The following RNGTT variants were observed in gnomAD, a reference collection of about 807,000 sequenced individuals.
RNGTT encodes RNA guanylyltransferase and 5'-phosphatase.
A neutral mutation model predicts 79.3 loss-of-function variants in RNGTT; 33 were observed. That is an observed-to-expected ratio of 0.42 (90% confidence interval 0.32 to 0.56). RNGTT has a LOEUF of 0.56. Among genes scored for constraint, RNGTT ranks in the 20% least tolerant of loss-of-function variants. The pLI, the probability that RNGTT is intolerant of heterozygous loss-of-function variation, is 0.17. For missense variants in RNGTT, 497 were observed against 739.1 expected (o/e 0.67, Z 3.80); for synonymous variants, 222 against 235.9 (o/e 0.94, Z 0.54).
At chr6:88,679,267 G>T (rs1774998224) in intron 13 of RNGTT, among the ~76,000 whole-genome samples, 1 of 152,178 alleles carries the variant, frequency 6.6e-6, no homozygotes, top group Non-Finnish European at 1.5e-5. Context: ...AAAGGTATTT[G>T]CTATGAAGGG....
chr6:88,674,990 C>A (rs539226195), intron 14 of RNGTT, among the ~76,000 whole-genome samples: 1 of 151,584 alleles, frequency 6.6e-6, no homozygotes, highest in African/African-American at 2.4e-5. Flanking sequence ...CTCAGCTACT[C>A]GGGAGGCTGA....
chr6:88,908,810 G>A (rs965024463), intron 4 of RNGTT, among the ~76,000 whole-genome samples: 1 of 152,210 alleles, frequency 6.6e-6, no homozygotes, highest in Non-Finnish European at 1.5e-5. Context: ...TAGTGTATCT[G>A]ATCCACATGC....
chr6:88,892,703 T>G (rs1300836574), intron 6 of RNGTT, among the ~76,000 whole-genome samples: 1 of 152,090 alleles, frequency 6.6e-6, no homozygotes. Flanking sequence ...ATAAAGGGAC[T>G]GGCATCAGTC....
intron 13 of RNGTT, among the ~76,000 whole-genome samples, chr6:88,733,619 A>AT (rs1179335078): frequency 6.6e-6 from 1 of 151,946 alleles, no homozygotes; most frequent in African/African-American, 2.4e-5. Flanking sequence ...ACCGAGCAGG[A>AT]TAAAAACTGA....
At chr6:88,758,949 T>C (rs1000022189) in intron 13 of RNGTT, among the ~76,000 whole-genome samples, 6 of 152,228 alleles carry the variant, frequency 3.9e-5, no homozygotes, top group Non-Finnish European at 1.5e-5. Context: ...TACATATGTA[T>C]ACATGTGCCA....
intron 14 of RNGTT, among the ~76,000 whole-genome samples, chr6:88,619,322 C>T (rs904353805): frequency 6.6e-6 from 1 of 152,124 alleles, no homozygotes; most frequent in Non-Finnish European, 1.5e-5. Context: ...TGCACTACCA[C>T]ACCTGGCTAA....
chr6:88,913,317 T>C (rs1179211018), intron 4 of RNGTT, among the ~76,000 whole-genome samples: 1 of 145,602 alleles, frequency 6.9e-6, no homozygotes, highest in Non-Finnish European at 1.5e-5. Flanking sequence ...ACTGAAACAA[T>C]CCCCAAAAAT....
intron 13 of RNGTT, among the ~76,000 whole-genome samples, chr6:88,683,104 C>T (rs562623372): frequency 6.6e-6 from 1 of 151,698 alleles, no homozygotes; most frequent in Non-Finnish European, 1.5e-5. Context: ...TAACTGAAAC[C>T]CAACAAAAAT....
At chr6:88,840,970 T>G (rs1352030298) in intron 11 of RNGTT, among the ~76,000 whole-genome samples, 1 of 152,210 alleles carries the variant, frequency 6.6e-6, no homozygotes, top group Non-Finnish European at 1.5e-5. Flanking sequence ...CCTGTGAAAT[T>G]CATTTTTTAA....
chr6:88,673,546 A>G (rs1488645514), intron 14 of RNGTT, among the ~76,000 whole-genome samples: 1 of 152,242 alleles, frequency 6.6e-6, no homozygotes, highest in East Asian at 1.9e-4. Context: ...ATTAATAAGG[A>G]TAAGAATCTT....
intron 13 of RNGTT, among the ~76,000 whole-genome samples, chr6:88,690,459 C>T (rs1487659744): frequency 4.0e-5 from 6 of 151,690 alleles, no homozygotes; most frequent in African/African-American, 1.2e-4. Context: ...ATAATCCTAG[C>T]GCTTGAGGAG....
intron 12 of RNGTT, among the ~76,000 whole-genome samples, chr6:88,771,315 G>GTGTATATATATATATATA (rs1303688973): frequency 6.4e-5 from 4 of 62,074 alleles, no homozygotes; most frequent in East Asian, 9.9e-4. Context: ...GTGTGTGTGT[G>GTGTATATATATATATATA]TATATATATA....
At chr6:88,733,115 T>C (rs1304011816) in intron 13 of RNGTT, among the ~76,000 whole-genome samples, 1 of 152,086 alleles carries the variant, frequency 6.6e-6, no homozygotes, top group Non-Finnish European at 1.5e-5. Flanking sequence ...TCCCAGCACT[T>C]TGGAAGGCCA....
rs550461023 is a variant in RNGTT at position 88,791,168 on chromosome 6, T to C, written c.1338+10396A>G. 1.9e-4 allele frequency among the ~76,000 whole-genome samples: 29 copies of C among 151,876 alleles called. 1 individual carries two copies. Among genetic ancestry groups the C allele is most frequent in the Middle Eastern group, 3.4e-3 (1 of 294 alleles). On this transcript the variant is annotated intron_variant, in intron 12 of 15. Coordinates refer to ENST00000369485, the MANE Select transcript of RNGTT (RefSeq NM_003800.5). ...TTTTTTTTTTTTTTTTCAATTTTTT[T>C]TAAAAAACAATTGTCACCAAGGCCT...
intron 11 of RNGTT, among the ~76,000 whole-genome samples, chr6:88,818,809 T>C (rs1228334671): frequency 6.6e-6 from 1 of 152,226 alleles, no homozygotes; most frequent in East Asian, 1.9e-4. Context: ...TTAACTTCTC[T>C]TAAAATCAGC....
chr6:88,849,876 TTTTAA>T, intron 9 of RNGTT, 50 bp from the exon 10 acceptor site: 3 of 1,481,624 alleles, frequency 2.0e-6, no homozygotes, highest in Non-Finnish European at 2.7e-6. Context: ...TAACAATTTT[TTTTAA>T]TTTAATTGAA....
intron 8 of RNGTT, among the ~76,000 whole-genome samples, chr6:88,879,647 G>A (rs942751873): frequency 6.6e-6 from 1 of 152,036 alleles, no homozygotes; most frequent in Non-Finnish European, 1.5e-5. Flanking sequence ...AAAAAATCTT[G>A]TCAAAGTACC....
intron 8 of RNGTT, among the ~76,000 whole-genome samples, chr6:88,855,267 G>A (rs965878448): frequency 6.6e-6 from 1 of 152,200 alleles, no homozygotes; most frequent in Non-Finnish European, 1.5e-5. Flanking sequence ...CAAGCTAACA[G>A]AGTATATGGA....
At chr6:88,902,045 G>A (rs889814536) in intron 6 of RNGTT, among the ~76,000 whole-genome samples, 2 of 151,980 alleles carry the variant, frequency 1.3e-5, no homozygotes, top group East Asian at 1.9e-4. Flanking sequence ...TGCCATGGCC[G>A]GGCATGGTGG....
Sources: allele counts gnomAD v4.1 joint callset (sites outside exome capture counted in the v4.1 genomes callset), GRCh38; gene constraint gnomAD v4.1.1; transcripts MANE v1.5; gene names NCBI Gene and HGNC (gene_info 2026-07-23, HGNC 2026-07-21).